The following TTC28 variants were observed in gnomAD, a reference collection of about 807,000 sequenced individuals.
The protein encoded by TTC28 is tetratricopeptide repeat domain 28.
TTC28 carries 61 observed loss-of-function variants against 198.0 expected under a neutral mutation model. That is an observed-to-expected ratio of 0.31 (90% CI 0.25 to 0.38). TTC28 has a LOEUF of 0.38. Ranked by LOEUF, TTC28 falls within the 10% of genes least tolerant of loss-of-function variation. The pLI, the probability that TTC28 is intolerant of heterozygous loss-of-function variation, is 1.00. For missense variants in TTC28, 2,678 were observed against 3,164.0 expected, an observed-to-expected ratio of 0.85 and a Z score of 3.69; for synonymous variants, 1,171 against 1,297.8, an observed-to-expected ratio of 0.90 and a Z score of 2.10.
rs182192206 is a variant in TTC28, at chr22:28,634,564, T to G, written c.103-4734A>C. Among the ~76,000 whole-genome samples the G allele has an allele frequency of 1.7e-3, 255 of 147,138 alleles. 2 individuals carry two copies. Among genetic ancestry groups the G allele is most frequent in the African/African-American group, 6.2e-3 (248 of 39,882 alleles). On this transcript the variant is annotated intron_variant, in intron 1 of 22. Transcript: ENST00000397906. ...TATGTATGGCTAAAAAGAATAAACA[T>G]AACTTCCCAAGTCCTTTTCTTTTTT...
chr22:28,650,425 C>T (rs1230772457), intron 1 of TTC28, among the ~76,000 whole-genome samples: 1 of 152,150 alleles, frequency 6.6e-6, no homozygotes, highest in African/African-American at 2.4e-5. Context: ...CATTCCAGAC[C>T]ACCCAGTTTT....
chr22:28,389,586 G>C (rs952331415), intron 2 of TTC28, among the ~76,000 whole-genome samples: 6 of 149,884 alleles, frequency 4.0e-5, no homozygotes, highest in East Asian at 2.0e-4. Flanking sequence ...TGTATGTGTC[G>C]AGGAATTTAT....
chr22:28,564,053 A>T (rs945111799), intron 2 of TTC28, among the ~76,000 whole-genome samples: 1 of 152,224 alleles, frequency 6.6e-6, no homozygotes, highest in African/African-American at 2.4e-5. Flanking sequence ...CACATATTAC[A>T]TGACTCTGTT....
intron 5 of TTC28, among the ~76,000 whole-genome samples, chr22:28,227,028 G>A (rs1211601691): frequency 6.6e-6 from 1 of 152,038 alleles, no homozygotes; most frequent in Non-Finnish European, 1.5e-5. Flanking sequence ...TGGCTCAAAT[G>A]ATCTTCCCAC....
chr22:28,066,296 GT>G (rs1940744826), intron 12 of TTC28, among the ~76,000 whole-genome samples: 4 of 150,912 alleles, frequency 2.7e-5, no homozygotes, highest in African/African-American at 7.4e-5. Flanking sequence ...GTGTGTGTGT[GT>G]GTGTGTGGTG....
At chr22:28,524,392 G>A (rs918721436) in intron 2 of TTC28, among the ~76,000 whole-genome samples, 3 of 151,342 alleles carry the variant, frequency 2.0e-5, no homozygotes, top group African/African-American at 4.9e-5. Context: ...CCCAGGAGGC[G>A]GAGCTTGCAG....
At chr22:28,059,757 A>AT (rs528160952) in intron 12 of TTC28, among the ~76,000 whole-genome samples, 18 of 151,896 alleles carry the variant, frequency 1.2e-4, no homozygotes, top group Admixed American at 2.0e-4. Context: ...ATGGCTTTTA[A>AT]TGTCTTCTTG....
chr22:28,035,510 A>G (rs1220476860), intron 12 of TTC28, among the ~76,000 whole-genome samples: 3 of 152,184 alleles, frequency 2.0e-5, no homozygotes, highest in Non-Finnish European at 4.4e-5. Context: ...CCAGCACCCT[A>G]TGTTGCGGAT....
At chr22:28,584,009 TTGTTTTG>T (rs2050271450) in intron 2 of TTC28, among the ~76,000 whole-genome samples, 1 of 146,186 alleles carries the variant, frequency 6.8e-6, no homozygotes, top group African/African-American at 2.6e-5. Flanking sequence ...TGTTTTTGTT[TTGTTTTG>T]TTTTTTTTTT....
At chr22:28,468,771 T>A (rs1601436080) in intron 2 of TTC28, among the ~76,000 whole-genome samples, 1 of 147,296 alleles carries the variant, frequency 6.8e-6, no homozygotes, top group Non-Finnish European at 1.5e-5. Context: ...TCTCCTGACC[T>A]CATGATCCAC....
At chr22:28,128,062 T>C (rs2146956126) in intron 6 of TTC28, among the ~76,000 whole-genome samples, 1 of 152,218 alleles carries the variant, frequency 6.6e-6, no homozygotes, top group East Asian at 1.9e-4. Context: ...GTAACTTAGC[T>C]CAGAGTCTGG....
chr22:28,253,187 A>C (rs941847011), intron 5 of TTC28, among the ~76,000 whole-genome samples: 4 of 152,240 alleles, frequency 2.6e-5, no homozygotes, highest in African/African-American at 9.6e-5. Flanking sequence ...ATATGCAATC[A>C]AATTCTTTAA....
intron 12 of TTC28, among the ~76,000 whole-genome samples, chr22:28,071,747 GGA>G (rs1940981539): frequency 8.9e-6 from 1 of 112,436 alleles, no homozygotes; most frequent in Non-Finnish European, 1.8e-5. Context: ...AAAAAAAAAA[GGA>G]AAAAAAAAAA....
chr22:28,070,654 T>C lies in TTC28; in HGVS notation c.3932+23426A>G, dbSNP rs145804448. The stretch of plus-strand genomic sequence containing the variant: ...AAAATTAGTTGGGCAAAAGAGGTGG[T>C]CTGGTGGTAAAAAGAGGCAAGTCTA... On this transcript the variant is annotated intron_variant, in intron 12 of 22. Coordinates refer to ENST00000397906, the MANE Select transcript of TTC28 (RefSeq NM_001145418.2). Among the ~76,000 whole-genome samples, 19 of 152,146 alleles carry C rather than the reference T, an allele frequency of 1.2e-4. No individual in the cohort carries two copies. The East Asian group carries it at 3.7e-3, about 29-fold the overall frequency.
intron 2 of TTC28, among the ~76,000 whole-genome samples, chr22:28,341,733 T>A (rs1235308831): frequency 6.6e-6 from 1 of 152,062 alleles, no homozygotes; most frequent in Non-Finnish European, 1.5e-5. Context: ...GAGGTTGCTA[T>A]GAACCGAGAT....
At chr22:28,050,841 G>A (rs1309633907) in intron 12 of TTC28, among the ~76,000 whole-genome samples, 1 of 152,100 alleles carries the variant, frequency 6.6e-6, no homozygotes, top group Non-Finnish European at 1.5e-5. Flanking sequence ...CCTCAGAGTT[G>A]TTATAAATAC....
chr22:28,614,816 C>T (rs933634427), intron 2 of TTC28, among the ~76,000 whole-genome samples: 1 of 152,028 alleles, frequency 6.6e-6, no homozygotes, highest in African/African-American at 2.4e-5. Flanking sequence ...AAGACTTAAA[C>T]CTAAGACCTA....
chr22:27,990,712 G>C, intron 20 of TTC28, 77 bp downstream of exon 20: 1 of 1,431,912 alleles, frequency 7.0e-7, no homozygotes. Flanking sequence ...CGAGCTCAGA[G>C]CCTGCCCAGG....
intron 2 of TTC28, among the ~76,000 whole-genome samples, chr22:28,440,825 T>C (rs1301438976): frequency 1.3e-5 from 2 of 152,244 alleles, no homozygotes; most frequent in African/African-American, 4.8e-5. Flanking sequence ...AAAGACTTAC[T>C]GGTGCCCTAC....
Sources: gnomAD v4.1 joint callset for allele counts (sites outside exome capture counted in the v4.1 genomes callset) on GRCh38, gnomAD v4.1.1 for gene constraint, MANE v1.5 for transcripts, NCBI Gene and HGNC (gene_info 2026-07-23, HGNC 2026-07-21) for gene names.